The following ENOX1 variants were observed in gnomAD, a reference collection of about 807,000 sequenced individuals.
The protein encoded by ENOX1 is candidate growth-related and time keeping constitutive hydroquinone (NADH) oxidase.
Under a neutral mutation model 82.5 loss-of-function variants are expected in ENOX1, and 42 were observed. The observed-to-expected ratio is 0.51, with a 90% CI of 0.40 to 0.66. The LOEUF (loss-of-function observed/expected upper bound fraction) is 0.66. ENOX1 is among the 30% of genes least tolerant of loss of function. The pLI is 0.00. For synonymous variants in ENOX1, 271 were observed against 282.2 expected, an observed-to-expected ratio of 0.96 and a Z score of 0.40; for missense variants, 608 against 811.6, an observed-to-expected ratio of 0.75 and a Z score of 3.05.
chr13:43,358,334 AT>A (rs1046733835), intron 7 of ENOX1, among the ~76,000 whole-genome samples: 21 of 151,174 alleles, frequency 1.4e-4, no homozygotes, highest in Non-Finnish European at 2.9e-4. Context: ...TTATAGGTGG[AT>A]TTTTTTCCAA....
Position 43,280,506 on chromosome 13 carries a change from G to A in ENOX1, c.1447-10929C>T, listed in dbSNP as rs535112092. On this transcript the variant is annotated intron_variant, in intron 12 of 16. Transcript: ENST00000690772. ...ATCATTATGGAATAAGAATGTGTTG[G>A]AGTCCAGAGAGCTTTTAGTTGAATC... Among the ~76,000 whole-genome samples the A allele has an allele frequency of 4.8e-4, 73 of 152,316 alleles. 1 individual carries two copies. Among genetic ancestry groups the A allele is most frequent in the Admixed American group, 8.5e-4 (13 of 15,302 alleles).
At chr13:43,765,650 T>C (rs559778586) in intron 1 of ENOX1, among the ~76,000 whole-genome samples, 111 of 152,234 alleles carry the variant, frequency 7.3e-4, no homozygotes, top group African/African-American at 1.8e-3. Flanking sequence ...TGCAGTAACA[T>C]TAGGAAGCAC....
At chr13:43,698,876 A>C (rs538538984) in intron 1 of ENOX1, among the ~76,000 whole-genome samples, 36 of 152,318 alleles carry the variant, frequency 2.4e-4, no homozygotes, top group Middle Eastern at 3.4e-3. Flanking sequence ...CTTTTGCGGA[A>C]AAAAAGGCAT....
At chr13:43,467,221 T>C (rs1446694805) in intron 3 of ENOX1, among the ~76,000 whole-genome samples, 1 of 152,208 alleles carries the variant, frequency 6.6e-6, no homozygotes, top group African/African-American at 2.4e-5. Context: ...CACTTTACAA[T>C]CCCATCAAAA....
At chr13:43,270,364 T>C (rs2044616278) in intron 12 of ENOX1, among the ~76,000 whole-genome samples, 1 of 152,222 alleles carries the variant, frequency 6.6e-6, no homozygotes, top group Non-Finnish European at 1.5e-5. Flanking sequence ...TCAGAGCTTC[T>C]TGACAACAAA....
chr13:43,598,920 G>A (rs930667982), intron 2 of ENOX1, among the ~76,000 whole-genome samples: 1 of 152,080 alleles, frequency 6.6e-6, no homozygotes, highest in Non-Finnish European at 1.5e-5. Context: ...ATAACTCTTT[G>A]GTAAGTAAAA....
rs939598614 is a variant in ENOX1, at chr13:43,404,137, C to T, written c.208+7779G>A. On this transcript the variant is annotated intron_variant, in intron 5 of 16. Coordinates refer to ENST00000690772, the MANE Select transcript of ENOX1 (RefSeq NM_001347969.2). ...CAGTCTCTATAAAACAAGTCAGATG[C>T]TTTTTTGTTAGCAGAAATAAAGAAA... Among the ~76,000 whole-genome samples the T allele has an allele frequency of 5.3e-5, 8 of 152,210 alleles. No individual in the cohort carries two copies. In the South Asian group the frequency reaches 1.5e-3, roughly 28 times the overall value.
chr13:43,498,420 A>G (rs2076866942), intron 2 of ENOX1, among the ~76,000 whole-genome samples: 1 of 152,100 alleles, frequency 6.6e-6, no homozygotes, highest in Admixed American at 6.6e-5. Context: ...AATAACTAAG[A>G]TTGGACACAT....
Position 43,505,670 on chromosome 13 carries a change from T to G in ENOX1, c.-218-21518A>C, listed in dbSNP as rs1013991753. Among the ~76,000 whole-genome samples the G allele has an allele frequency of 5.9e-5, 9 of 151,950 alleles. 1 individual carries two copies. The South Asian group carries it at 6.2e-4, about 10-fold the overall frequency. On this transcript the variant is annotated intron_variant, in intron 2 of 16. Transcript: ENST00000690772. ...ATATTAGCCCTTTGTCAGATGAGTA[T>G]GTTGCAAAAATTTTCTCCCATTCTG...
chr13:43,630,330 T>G (rs905168004), intron 2 of ENOX1, among the ~76,000 whole-genome samples: 1 of 152,160 alleles, frequency 6.6e-6, no homozygotes, highest in African/African-American at 2.4e-5. Flanking sequence ...ACACCACATC[T>G]TTATTTTCTG....
intron 5 of ENOX1, among the ~76,000 whole-genome samples, chr13:43,367,148 A>G (rs2050901766): frequency 6.6e-6 from 1 of 152,196 alleles, no homozygotes; most frequent in Admixed American, 6.5e-5. Flanking sequence ...GACTGAAACA[A>G]CTTAGCAGAA....
chr13:43,331,122 G>A (rs952525665), intron 9 of ENOX1, among the ~76,000 whole-genome samples: 1 of 152,114 alleles, frequency 6.6e-6, no homozygotes, highest in African/African-American at 2.4e-5. Flanking sequence ...GCAGCCACTG[G>A]GTGCAAAAGC....
intron 8 of ENOX1, among the ~76,000 whole-genome samples, chr13:43,349,245 T>C (rs923386278): frequency 1.3e-5 from 2 of 152,184 alleles, no homozygotes; most frequent in African/African-American, 4.8e-5. Context: ...GCTTCAGAAG[T>C]CATTATCACT....
chr13:43,329,959 C>T (rs1283114542), intron 9 of ENOX1, among the ~76,000 whole-genome samples: 1 of 152,164 alleles, frequency 6.6e-6, no homozygotes, highest in African/African-American at 2.4e-5. Flanking sequence ...AGGGAAAAAG[C>T]ACCTCTAAGA....
intron 3 of ENOX1, among the ~76,000 whole-genome samples, chr13:43,467,093 A>G (rs12584525): frequency 0.48 from 72,471 of 152,018 alleles, 17,743 homozygotes; most frequent in African/African-American, 0.52. Context: ...GAACACTCAC[A>G]TACAATTTTT....
chr13:43,338,685 T>TG (rs1206131412), intron 9 of ENOX1, among the ~76,000 whole-genome samples: 76 of 133,746 alleles, frequency 5.7e-4, no homozygotes, highest in Middle Eastern at 3.5e-3. Flanking sequence ...GGTTTTTTTT[T>TG]TTTTTTTTTT....
chr13:43,229,860 T>C (rs941655505), intron 15 of ENOX1, among the ~76,000 whole-genome samples: 2 of 152,144 alleles, frequency 1.3e-5, no homozygotes, highest in Non-Finnish European at 2.9e-5. Flanking sequence ...GATGAGAATA[T>C]TGGGGAAGGA....
At chr13:43,264,442 G>C (rs2153478367) in intron 14 of ENOX1, among the ~76,000 whole-genome samples, 1 of 152,294 alleles carries the variant, frequency 6.6e-6, no homozygotes, top group Admixed American at 6.5e-5. Flanking sequence ...AGTCCTATGA[G>C]CACACAAGTC....
intron 1 of ENOX1, among the ~76,000 whole-genome samples, chr13:43,758,992 T>TC (rs1314880636): frequency 6.6e-6 from 1 of 151,828 alleles, no homozygotes; most frequent in Non-Finnish European, 1.5e-5. Context: ...CTCTGTTTGC[T>TC]CAAGGTCTAG....
Sources: allele counts gnomAD v4.1 joint callset (sites outside exome capture counted in the v4.1 genomes callset), GRCh38; gene constraint gnomAD v4.1.1; transcripts MANE v1.5; gene names NCBI Gene and HGNC (gene_info 2026-07-23, HGNC 2026-07-21).